The following SFI1 variants were observed in gnomAD, a reference collection of about 807,000 sequenced individuals.
SFI1 encodes protein SFI1 homolog.
In SFI1, 195 loss-of-function variants were observed where a neutral mutation model predicts 207.5. The ratio of observed to expected loss-of-function variants is 0.94; its 90% CI spans 0.84 to 1.06. The LOEUF is 1.06. SFI1 is among the 50% of genes least tolerant of loss of function. The probability of loss-of-function intolerance (pLI) is 0.00; values close to 1 mark genes in which losing one functional copy is unlikely to be tolerated. For synonymous variants in SFI1, 630 were observed against 598.9 expected (o/e 1.05, Z -0.76); for missense variants, 1,634 against 1,588.0 (o/e 1.03, Z -0.49).
chr22:31,511,538 G>C (rs914773101), intron 2 of SFI1, among the ~76,000 whole-genome samples: 2 of 140,394 alleles, frequency 1.4e-5, no homozygotes, highest in African/African-American at 5.2e-5. Flanking sequence ...CGCGATCTCC[G>C]CTCACTGCAA....
chr22:31,559,258 T>TA (rs1028271266), intron 7 of SFI1, among the ~76,000 whole-genome samples: 2 of 151,602 alleles, frequency 1.3e-5, no homozygotes, highest in Non-Finnish European at 2.9e-5. Context: ...CTGTCTCTAC[T>TA]AAAAAAATAC....
At chr22:31,560,643 TCCA>T (rs2061601120) in intron 7 of SFI1, among the ~76,000 whole-genome samples, 1 of 151,566 alleles carries the variant, frequency 6.6e-6, no homozygotes, top group East Asian at 1.9e-4. Context: ...CCTCAAGTAA[TCCA>T]CCTGCCTCAG....
chr22:31,606,275 C>T, intron 20 of SFI1, 53 bp from the exon 21 acceptor site: 1 of 1,528,260 alleles, frequency 6.5e-7, no homozygotes, highest in South Asian at 1.1e-5. Context: ...AGAAGCCTCC[C>T]TTCTCTCTCT....
At chr22:31,577,675 G>T (rs1389537951) in intron 10 of SFI1, among the ~76,000 whole-genome samples, 5 of 152,174 alleles carry the variant, frequency 3.3e-5, no homozygotes, top group African/African-American at 1.2e-4. Flanking sequence ...AGGCTACAGT[G>T]AACTATGATG....
At chr22:31,584,127 CTT>C (rs1288565990) in intron 13 of SFI1, among the ~76,000 whole-genome samples, 155 bp downstream of exon 13, 1 of 152,102 alleles carries the variant, frequency 6.6e-6, no homozygotes, top group East Asian at 1.9e-4. Context: ...TTGTTCCTGA[CTT>C]TGGGTTTTTG....
chr22:31,592,802 G>A (rs2066245710), intron 15 of SFI1, among the ~76,000 whole-genome samples: 1 of 136,088 alleles, frequency 7.3e-6, no homozygotes, highest in East Asian at 2.2e-4. Flanking sequence ...CTGGCCGGGG[G>A]GAGGGCTGAC....
At chr22:31,593,316 C>T (rs1231795602) in intron 15 of SFI1, among the ~76,000 whole-genome samples, 14 of 133,606 alleles carry the variant, frequency 1.0e-4, no homozygotes, top group African/African-American at 3.7e-4. Flanking sequence ...ACCTCCCAGA[C>T]GGGGTCTCGG....
chr22:31,522,663 T>C (rs890089635), intron 2 of SFI1, among the ~76,000 whole-genome samples: 7 of 152,162 alleles, frequency 4.6e-5, no homozygotes, highest in Non-Finnish European at 8.8e-5. Context: ...ATTTTATTCC[T>C]TTTTTTCTTT....
intron 2 of SFI1, among the ~76,000 whole-genome samples, chr22:31,517,708 A>C (rs1324070120): frequency 6.6e-6 from 1 of 152,008 alleles, no homozygotes; most frequent in East Asian, 1.9e-4. Context: ...TTATTGAAAA[A>C]ACTGCTCTAT....
At chr22:31,504,966 C>T (rs959116293) in intron 1 of SFI1, among the ~76,000 whole-genome samples, 1 of 152,094 alleles carries the variant, frequency 6.6e-6, no homozygotes, top group Non-Finnish European at 1.5e-5. Flanking sequence ...ATGTCACATT[C>T]GCAGGTAGCA....
intron 14 of SFI1, among the ~76,000 whole-genome samples, chr22:31,585,527 G>A (rs2064919071): frequency 6.6e-6 from 1 of 152,228 alleles, no homozygotes; most frequent in African/African-American, 2.4e-5. Context: ...TCTCCCGGGG[G>A]TGGAGGATGT....
rs759734235 is a variant in SFI1, at chr22:31,531,104, G to C, written c.313G>C (p.Gly105Arg). 6.2e-7 allele frequency: 1 copy of C among 1,613,500 alleles called. No individual in the cohort carries two copies. The highest frequency in any genetic ancestry group is 1.7e-5 in the Admixed American group (1 of 59,922). The change falls in exon 4 of 33, where the codon GGA becomes CGA. Residue 105 changes from glycine (G) to arginine (R), a missense_variant. Physicochemically the swap from Gly to Arg is moderately radical, Grantham distance 125 (BLOSUM62 -2). Coordinates refer to ENST00000400288, the MANE Select transcript of SFI1 (RefSeq NM_001007467.3). ...ATATTTATGGATTCGAATGACTTTT[G>C]GAAGAGTATTTCCCTCTAAAGCCAG... Reference protein sequence around the residue: ...FLYLWIRMTFGRVFPSKARFY... With the variant: ...FLYLWIRMTFRRVFPSKARFY...
intron 6 of SFI1, among the ~76,000 whole-genome samples, chr22:31,553,624 C>T (rs184921964): frequency 2.5e-4 from 38 of 149,586 alleles, no homozygotes; most frequent in South Asian, 8.4e-4. Context: ...CCACCTGCCT[C>T]GGCCTCCCAA....
At chr22:31,551,688 C>T (rs376764547) in intron 6 of SFI1, among the ~76,000 whole-genome samples, 4 of 152,192 alleles carry the variant, frequency 2.6e-5, no homozygotes, top group African/African-American at 9.7e-5. Flanking sequence ...GCCTCGCTCT[C>T]CCAAAGTGCT....
At chr22:31,564,326 CA>C (rs1203864757) in intron 8 of SFI1, among the ~76,000 whole-genome samples, 6,111 of 63,400 alleles carry the variant, frequency 0.096, 90 homozygotes, top group Non-Finnish European at 0.1. Flanking sequence ...GACTCCATCT[CA>C]AAAAAAAAAA....
intron 2 of SFI1, among the ~76,000 whole-genome samples, chr22:31,525,796 G>T (rs1314903196): frequency 6.6e-6 from 1 of 152,070 alleles, no homozygotes; most frequent in African/African-American, 2.4e-5. Flanking sequence ...GATACTCTCT[G>T]TTCTGTTCCA....
At chr22:31,614,173 T>C (rs1456672548) in intron 27 of SFI1, 2 of 392,692 alleles carry the variant, frequency 5.1e-6, no homozygotes. Context: ...TACACGTAGT[T>C]GACAAAGGGA....
intron 6 of SFI1, chr22:31,550,570 C>T (rs1602547169): frequency 2.2e-6 from 1 of 452,986 alleles, no homozygotes; most frequent in Non-Finnish European, 4.0e-6. Context: ...GCCCTTAAAA[C>T]TCATTTAATC....
At chr22:31,508,410 G>A (rs1345826695) in intron 2 of SFI1, 34 bp downstream of exon 2, 1 of 1,398,574 alleles carries the variant, frequency 7.2e-7, no homozygotes, top group Non-Finnish European at 1.0e-6. Context: ...AAATATAACT[G>A]GAATGATGGT....
Sources: allele counts gnomAD v4.1 joint callset (sites outside exome capture counted in the v4.1 genomes callset), GRCh38; gene constraint gnomAD v4.1.1; transcripts MANE v1.5; gene names NCBI Gene and HGNC (gene_info 2026-07-23, HGNC 2026-07-21).